ATP8A2: variants seen among roughly 807,000 people sequenced by gnomAD.
ATP8A2 encodes ATPase phospholipid transporting 8A2, also known as phospholipid-transporting ATPase IB.
A neutral mutation model predicts 165.6 loss-of-function variants in ATP8A2; 100 were observed. The observed-to-expected ratio is 0.60, with a 90% confidence interval of 0.51 to 0.71. The LOEUF (loss-of-function observed/expected upper bound fraction) is 0.71. Among genes scored for constraint, ATP8A2 ranks in the 30% least tolerant of loss-of-function variants. The pLI, the probability that ATP8A2 is intolerant of heterozygous loss-of-function variation, is 0.00. For missense variants in ATP8A2, 1,227 were observed against 1,479.5 expected (o/e 0.83, Z 2.80); for synonymous variants, 543 against 548.8 (o/e 0.99, Z 0.15).
At chr13:25,688,109 G>A (rs2419325) in intron 24 of ATP8A2, among the ~76,000 whole-genome samples, 1 of 63,638 alleles carries the variant, frequency 1.6e-5, no homozygotes, top group Non-Finnish European at 4.6e-5. Context: ...GGCTGTTTTC[G>A]TGCTGTTGTG....
chr13:25,730,018 C>T (rs1424116220), intron 25 of ATP8A2, among the ~76,000 whole-genome samples: 1 of 152,130 alleles, frequency 6.6e-6, no homozygotes, highest in Non-Finnish European at 1.5e-5. Context: ...CAGCCTGGCG[C>T]AGTTGTGCAT....
At chr13:25,757,501 C>CTGTG (rs1292517063) in intron 25 of ATP8A2, among the ~76,000 whole-genome samples, 7 of 60,704 alleles carry the variant, frequency 1.2e-4, no homozygotes, top group East Asian at 4.2e-4. Flanking sequence ...TAACGATATA[C>CTGTG]TATGTGTGTG....
intron 27 of ATP8A2, among the ~76,000 whole-genome samples, chr13:25,796,076 AG>A (rs1950493281): frequency 6.6e-6 from 1 of 151,772 alleles, no homozygotes; most frequent in East Asian, 1.9e-4. Context: ...CTGCCTCCCT[AG>A]TAGCTGGGAT....
intron 35 of ATP8A2, among the ~76,000 whole-genome samples, chr13:26,000,199 T>A (rs9581505): frequency 0.014 from 2,160 of 152,294 alleles, 52 homozygotes; most frequent in African/African-American, 0.049. Flanking sequence ...CTTGAGGGCC[T>A]GTCACATCTG....
chr13:25,860,668 C>T, intron 31 of ATP8A2, 136 bp from the exon 32 acceptor site: 1 of 669,126 alleles, frequency 1.5e-6, no homozygotes, highest in Non-Finnish European at 2.7e-6. Context: ...GAATTAGCTA[C>T]TGACATGGCT....
At chr13:25,927,379 A>C (rs1351109695) in intron 33 of ATP8A2, 2 of 354,344 alleles carry the variant, frequency 5.6e-6, no homozygotes, top group Non-Finnish European at 1.1e-5. Flanking sequence ...GGGCCCCCAA[A>C]TGATTCCCAA....
At chr13:25,925,225 T>C (rs1401327347) in intron 33 of ATP8A2, among the ~76,000 whole-genome samples, 3 of 152,160 alleles carry the variant, frequency 2.0e-5, no homozygotes, top group African/African-American at 7.2e-5. Flanking sequence ...ACTGTTTTTA[T>C]TCAGACTAAA....
intron 24 of ATP8A2, among the ~76,000 whole-genome samples, chr13:25,660,802 A>G (rs1484928280): frequency 6.6e-6 from 1 of 152,214 alleles, no homozygotes; most frequent in African/African-American, 2.4e-5. Flanking sequence ...GGTAAATTCA[A>G]CAATACTATA....
intron 33 of ATP8A2, among the ~76,000 whole-genome samples, chr13:25,940,524 C>T (rs978651200): frequency 6.6e-6 from 1 of 152,184 alleles, no homozygotes; most frequent in African/African-American, 2.4e-5. Context: ...TGCATATTAC[C>T]GCCCCCGGTT....
intron 1 of ATP8A2, among the ~76,000 whole-genome samples, chr13:25,393,969 A>G (rs547318058): frequency 3.9e-5 from 6 of 152,358 alleles, no homozygotes; most frequent in South Asian, 4.1e-4. Flanking sequence ...GTAGTAACCT[A>G]TAAAACAGGA....
intron 2 of ATP8A2, among the ~76,000 whole-genome samples, chr13:25,529,083 T>C (rs1206737131): frequency 2.0e-5 from 3 of 152,130 alleles, no homozygotes; most frequent in African/African-American, 4.8e-5. Context: ...GGTGTTTGGT[T>C]TTCTGTCCTT....
Position 25,469,123 on chromosome 13 carries a change from T to C in ATP8A2, c.221+2T>C, listed in dbSNP as rs1566157557. 6.2e-7 allele frequency: 1 copy of C among 1,613,654 alleles called. No individual in the cohort carries two copies. ...CAAATTCCGCGACAACCAGATCAGG[T>C]AGGAGAAGGCGGCCGGCTCGCGCGG... is the stretch of plus-strand genomic sequence containing the variant. On this transcript the variant is annotated splice_donor_variant, in intron 2 of 36. Coordinates refer to ENST00000381655, the MANE Select transcript of ATP8A2 (RefSeq NM_016529.6). LOFTEE classifies it high-confidence loss of function.
In ATP8A2 at chr13:25,839,634, G is replaced by T; in HGVS notation, c.2956+10G>T. ...AAAGCTCTGGAGCATGGTAAGGGCT[G>T]TGTGATTTCACCTGTCAGCAAGGAG... On this transcript the variant is annotated intron_variant, in intron 30 of 36. Coordinates refer to ENST00000381655, the MANE Select transcript of ATP8A2 (RefSeq NM_016529.6). 1.2e-6 allele frequency: 2 copies of T among 1,611,364 alleles called. No homozygotes were observed. Among genetic ancestry groups the T allele is most frequent in the Non-Finnish European group, 1.7e-6 (2 of 1,177,492 alleles).
rs943545270 is a variant in ATP8A2, at chr13:25,476,094, A to G, written c.221+6973A>G. 3.9e-5 allele frequency among the ~76,000 whole-genome samples: 6 copies of G among 152,294 alleles called. No individual in the cohort carries two copies. The East Asian group carries it at 1.2e-3, about 29-fold the overall frequency. On this transcript the variant is annotated intron_variant, in intron 2 of 36. Transcript: ENST00000381655. Reference sequence around the variant, plus strand: ...TAAAAAGAACAAAATAATCTTCAGTAACCAATTTGTCCATGAATAGTGGGG... The same window carrying G: ...TAAAAAGAACAAAATAATCTTCAGTGACCAATTTGTCCATGAATAGTGGGG...
chr13:25,961,316 A>AG (rs1286753707), intron 33 of ATP8A2, among the ~76,000 whole-genome samples: 1 of 152,174 alleles, frequency 6.6e-6, no homozygotes, highest in African/African-American at 2.4e-5. Context: ...CCTGTTCGGA[A>AG]GGGGCTTGAA....
At chr13:25,443,058 A>T (rs117946465) in intron 1 of ATP8A2, among the ~76,000 whole-genome samples, 13 of 152,106 alleles carry the variant, frequency 8.5e-5, no homozygotes, top group Non-Finnish European at 1.8e-4. Context: ...ATGAAGTCCA[A>T]TTTGTCTATT....
In ATP8A2 at chr13:26,020,841, CAT is replaced by C. The variant is rs1287718566; in HGVS notation, c.*858_*859del. The C allele has an allele frequency of 6.6e-6, 1 of 152,276 alleles. No homozygotes were observed. The highest frequency in any genetic ancestry group is 1.5e-5 in the Non-Finnish European group (1 of 68,076). 9.4% of individuals were successfully genotyped at this position (152,276 alleles called of 1,614,324 possible). ...TCGTTCTGTAAAGAAAGAAAAGAAACATAGCCTTTCTGCATATATTCTAAACG... is the reference window on the plus strand; with the variant it reads ...TCGTTCTGTAAAGAAAGAAAAGAAACAGCCTTTCTGCATATATTCTAAACG... On this transcript the variant is annotated 3_prime_UTR_variant, in exon 37 of 37. Transcript: ENST00000381655.
At chr13:25,834,982 A>ATGTG (rs1198371559) in intron 28 of ATP8A2, among the ~76,000 whole-genome samples, 2 of 68,890 alleles carry the variant, frequency 2.9e-5, no homozygotes, top group African/African-American at 1.0e-4. Context: ...ATGATCCCTA[A>ATGTG]CGTGTGTGTG....
intron 24 of ATP8A2, among the ~76,000 whole-genome samples, chr13:25,676,628 G>A (rs1220753166): frequency 6.6e-6 from 1 of 152,064 alleles, no homozygotes; most frequent in Non-Finnish European, 1.5e-5. Flanking sequence ...AAGTAAAAAA[G>A]GTTGAAGTTT....
Sources: gnomAD v4.1 joint callset for allele counts (sites outside exome capture counted in the v4.1 genomes callset) on GRCh38, gnomAD v4.1.1 for gene constraint, MANE v1.5 for transcripts, NCBI Gene and HGNC (gene_info 2026-07-23, HGNC 2026-07-21) for gene names.